SCNN1B: variants seen among roughly 807,000 people sequenced by gnomAD.
SCNN1B encodes sodium channel epithelial 1 subunit beta.
In SCNN1B, 46 loss-of-function variants were observed where a neutral mutation model predicts 65.3. The observed-to-expected ratio is 0.70, with a 90% CI of 0.56 to 0.90. The LOEUF (loss-of-function observed/expected upper bound fraction) is 0.90. Among genes scored for constraint, SCNN1B ranks in the 40% least tolerant of loss-of-function variants. The pLI, the probability that SCNN1B is intolerant of heterozygous loss-of-function variation, is 0.00. For synonymous variants in SCNN1B, 349 were observed against 330.6 expected (o/e 1.06, Z -0.60); for missense variants, 751 against 830.5 (o/e 0.90, Z 1.18).
intron 2 of SCNN1B, among the ~76,000 whole-genome samples, chr16:23,296,237 C>T (rs372519890): frequency 2.6e-5 from 4 of 152,080 alleles, no homozygotes; most frequent in South Asian, 2.1e-4. Context: ...AGGTGGGGGG[C>T]GCCACGGGGA....
At chr16:23,336,732 T>C (rs1363097270) in intron 1 of SCNN1B, among the ~76,000 whole-genome samples, 2 of 152,118 alleles carry the variant, frequency 1.3e-5, no homozygotes, top group African/African-American at 2.4e-5. Flanking sequence ...AGAAAGTATG[T>C]TCATGTGTAT....
At chr16:23,361,404 C>T (rs916391117) in intron 4 of SCNN1B, among the ~76,000 whole-genome samples, 9 of 152,132 alleles carry the variant, frequency 5.9e-5, no homozygotes, top group South Asian at 2.1e-4. Context: ...ATTCAGACTA[C>T]GCTCAGGGGA....
At chr16:23,299,735 T>A (rs1203698312), upstream of SCNN1B, among the ~76,000 whole-genome samples, 2 of 152,248 alleles carry the variant, frequency 1.3e-5, no homozygotes, top group African/African-American at 2.4e-5. Context: ...GCTTTTACAC[T>A]GTTGGTTGGA....
chr16:23,305,392 C>A (rs1379978468), intron 1 of SCNN1B, among the ~76,000 whole-genome samples: 1 of 150,680 alleles, frequency 6.6e-6, no homozygotes, highest in East Asian at 2.0e-4. Context: ...GTGGTTCACA[C>A]CTGTAATCCC....
At chr16:23,291,473 TAA>T (rs1392978601) in intron 2 of SCNN1B, among the ~76,000 whole-genome samples, 155 of 130,076 alleles carry the variant, frequency 1.2e-3, no homozygotes, top group African/African-American at 5.2e-3. Flanking sequence ...TGTGTGTGTG[TAA>T]GTGTGTGTGT....
At chr16:23,345,040 T>G (rs1251784369) in intron 1 of SCNN1B, among the ~76,000 whole-genome samples, 7 of 151,128 alleles carry the variant, frequency 4.6e-5, no homozygotes, top group Admixed American at 4.6e-4. Flanking sequence ...AGAACAGAGT[T>G]GGAGAAGAAA....
intron 8 of SCNN1B, among the ~76,000 whole-genome samples, chr16:23,376,466 G>A (rs1962898369): frequency 1.3e-5 from 2 of 152,164 alleles, no homozygotes; most frequent in African/African-American, 4.8e-5. Flanking sequence ...AAGGCGCTGG[G>A]TGGAAGGGGA....
intron 1 of SCNN1B, among the ~76,000 whole-genome samples, chr16:23,337,711 G>A (rs967023412): frequency 6.6e-6 from 1 of 151,478 alleles, no homozygotes; most frequent in Non-Finnish European, 1.5e-5. Context: ...AAATATATAT[G>A]ACATAGTAAA....
In SCNN1B at chr16:23,380,407, C is replaced by G. The variant is rs760230799; in HGVS notation, c.1543-14C>G. 6.2e-7 allele frequency: 1 copy of G among 1,614,064 alleles called. No individual in the cohort carries two copies. Among genetic ancestry groups the G allele is most frequent in the South Asian group, 1.1e-5 (1 of 91,086 alleles). Reference sequence around the variant, plus strand: ...GTGTGGCCTGAGCTCACCCCAGCTCCCTGTTCCCCACAGATCGTCTGGCTG... The same window carrying G: ...GTGTGGCCTGAGCTCACCCCAGCTCGCTGTTCCCCACAGATCGTCTGGCTG... On this transcript the variant is annotated splice_polypyrimidine_tract_variant and intron_variant, in intron 12 of 12. Transcript: ENST00000343070. This position sits in a 1 kb window ranked among gnomAD's most constrained non-coding sequence, Gnocchi z 5.4.
At chr16:23,376,955 A>T (rs1962910823) in intron 8 of SCNN1B, among the ~76,000 whole-genome samples, 2 of 151,762 alleles carry the variant, frequency 1.3e-5, no homozygotes, top group South Asian at 4.2e-4. Context: ...AGCTGCTGGG[A>T]CCCCCCTGAG....
In SCNN1B at chr16:23,355,290, C is replaced by A; in HGVS notation, c.586-9C>A. 1 of 1,614,120 alleles carries A rather than the reference C, an allele frequency of 6.2e-7. No homozygotes were observed. Among genetic ancestry groups the A allele is most frequent in the South Asian group, 1.1e-5 (1 of 91,068 alleles). ...CGCCACCCACAAAAACCCCTCTTGG[C>A]CTCCACAGTGTAGCCTCAACAGGAC... On this transcript the variant is annotated splice_polypyrimidine_tract_variant and intron_variant, in intron 3 of 12. Transcript: ENST00000343070.
At position 23,380,164 on chromosome 16, in the gene SCNN1B, A is replaced by G. The variant is rs1963011065; in HGVS notation, c.1537A>G (p.Asn513Asp). The change falls in exon 12 of 13, where the codon AAT (asparagine) becomes GAT (aspartate). Residue 513 changes from asparagine to aspartate, a missense_variant. By Grantham distance (23) the Asn-to-Asp change is conservative. Coordinates refer to ENST00000343070, the MANE Select transcript of SCNN1B (RefSeq NM_000336.3). This position sits in a 1 kb window ranked among gnomAD's most constrained non-coding sequence, Gnocchi z 5.4. ...TCGCACCATTGAAGAATCAGCAGCC[A>G]ATAACGTGAGTTTAGGAGTCTCCCA... is the stretch of plus-strand genomic sequence containing the variant. Reference protein sequence around the residue: ...NYRTIEESAANNIVWLLSNLG... With the variant: ...NYRTIEESAADNIVWLLSNLG... 1 of 1,613,804 alleles carries G rather than the reference A, an allele frequency of 6.2e-7. No homozygotes were observed. The highest frequency in any genetic ancestry group is 2.2e-5 in the East Asian group (1 of 44,868).
At chr16:23,342,599 A>T (rs1334429773) in intron 1 of SCNN1B, among the ~76,000 whole-genome samples, 1 of 152,144 alleles carries the variant, frequency 6.6e-6, no homozygotes, top group Non-Finnish European at 1.5e-5. Flanking sequence ...CCTGGACCAC[A>T]TTGGAAGAAG....
intron 1 of SCNN1B, among the ~76,000 whole-genome samples, chr16:23,342,214 G>T (rs1396472066): frequency 6.6e-6 from 1 of 152,208 alleles, no homozygotes; most frequent in Non-Finnish European, 1.5e-5. Flanking sequence ...CTAAGTGAAA[G>T]AAGCCAGTCA....
At chr16:23,294,552 A>T (rs1960968783) in intron 2 of SCNN1B, among the ~76,000 whole-genome samples, 1 of 147,542 alleles carries the variant, frequency 6.8e-6, no homozygotes, top group South Asian at 2.2e-4. Context: ...TACTCTTCAA[A>T]CACACCCAGC....
intron 1 of SCNN1B, among the ~76,000 whole-genome samples, chr16:23,316,415 AC>A (rs1223447675): frequency 6.7e-6 from 1 of 150,212 alleles, no homozygotes; most frequent in African/African-American, 2.5e-5. Flanking sequence ...CACCACCATC[AC>A]CATCACCATC....
chr16:23,359,610 C>G (rs1459312268), intron 4 of SCNN1B, among the ~76,000 whole-genome samples: 1 of 152,144 alleles, frequency 6.6e-6, no homozygotes, highest in African/African-American at 2.4e-5. Flanking sequence ...CTTCCTCCCT[C>G]TCTCTCTGAC....
intron 4 of SCNN1B, chr16:23,358,672 CG>C (rs1962468762): frequency 6.6e-6 from 1 of 152,110 alleles, no homozygotes; most frequent in Admixed American, 6.5e-5. Flanking sequence ...TTTGGGAGGC[CG>C]AAGCTGGCAG....
chr16:23,292,195 T>TC (rs1567285679), intron 2 of SCNN1B, among the ~76,000 whole-genome samples: 26 of 149,190 alleles, frequency 1.7e-4, no homozygotes, highest in African/African-American at 4.4e-4. Context: ...TTTCTTTCTT[T>TC]ATTTTTTTTT....
Sources: gnomAD v4.1 joint callset for allele counts (sites outside exome capture counted in the v4.1 genomes callset) on GRCh38, gnomAD v4.1.1 for gene constraint, Gnocchi (gnomAD v3.1) non-coding constraint, MANE v1.5 for transcripts, NCBI Gene and HGNC (gene_info 2026-07-23, HGNC 2026-07-21) for gene names.